ZNF469: variants seen among roughly 807,000 people sequenced by gnomAD.
The protein encoded by ZNF469 is zinc finger protein 469.
In ZNF469, 1 loss-of-function variant was observed where a neutral mutation model predicts 1.0. That is an observed-to-expected ratio of 1.00 (90% CI 0.35 to 4.73). The LOEUF (loss-of-function observed/expected upper bound fraction) is 4.73, where lower values mean the gene tolerates loss of function less well. ZNF469 is among the 30% of genes most tolerant of loss of function. The probability of loss-of-function intolerance (pLI) is 0.16; values close to 1 mark genes in which losing one functional copy is unlikely to be tolerated. For missense variants in ZNF469, 6,100 were observed against 5,356.3 expected, an observed-to-expected ratio of 1.14 and a Z score of -4.33; for synonymous variants, 2,703 against 2,363.4, an observed-to-expected ratio of 1.14 and a Z score of -4.17.
the ZNF469 span, among the ~76,000 whole-genome samples, chr16:88,249,638 G>A: frequency 6.6e-5 from 10 of 151,630 alleles, no homozygotes; most frequent in African/African-American, 1.2e-4. Flanking sequence ...GGATTTCACC[G>A]TGTTAGCCAG....
chr16:88,173,701 G>C, the ZNF469 span, among the ~76,000 whole-genome samples: 1 of 152,170 alleles, frequency 6.6e-6, no homozygotes, highest in African/African-American at 2.4e-5. Context: ...AAAGAATGAG[G>C]GTTGGGGGAA....
the ZNF469 span, among the ~76,000 whole-genome samples, chr16:88,270,657 A>G: frequency 6.6e-6 from 1 of 152,220 alleles, no homozygotes; most frequent in East Asian, 1.9e-4. Context: ...ATCCAAAGCA[A>G]TCATGCTCAC....
At chr16:88,177,371 C>T in the ZNF469 span, 1 of 152,222 alleles carries the variant, frequency 6.6e-6, no homozygotes, top group Non-Finnish European at 1.5e-5. The surrounding 1 kb of genome is among the most constrained non-coding windows in gnomAD (Gnocchi z 4.8). Context: ...TCCCCTCTTC[C>T]CCACCCTGCT....
chr16:88,184,770 C>T, the ZNF469 span, among the ~76,000 whole-genome samples: 11 of 152,204 alleles, frequency 7.2e-5, no homozygotes, highest in Non-Finnish European at 1.3e-4. Flanking sequence ...ACGACCTCAG[C>T]GACACATTCC....
the ZNF469 span, among the ~76,000 whole-genome samples, chr16:88,319,048 G>A: frequency 1.7e-4 from 26 of 152,308 alleles, no homozygotes; most frequent in African/African-American, 6.3e-4. Context: ...GCCAGCTGGG[G>A]TCAAGAGGGC....
chr16:88,382,433 G>C (rs1237506309), upstream of ZNF469, among the ~76,000 whole-genome samples: 1 of 152,244 alleles, frequency 6.6e-6, no homozygotes, highest in African/African-American at 2.4e-5. Context: ...TCCCAGGGCT[G>C]GACAAGGGAC....
Position 88,434,407 on chromosome 16 carries a change from G to T in ZNF469, c.6937G>T (p.Ala2313Ser). 1.3e-6 allele frequency: 2 copies of T among 1,549,700 alleles called. No individual in the cohort carries two copies. The highest frequency in any genetic ancestry group is 1.7e-6 in the Non-Finnish European group (2 of 1,146,942). ...LPGPDPQSRG[A>S]PPHTNPDRMP... Reference sequence around the variant, plus strand: ...AGGGCCAGACCCCCAGAGCAGGGGAGCCCCGCCCCACACCAACCCTGACAG... The same window carrying T: ...AGGGCCAGACCCCCAGAGCAGGGGATCCCCGCCCCACACCAACCCTGACAG... Residue 2313 changes from alanine to serine, a missense_variant, in exon 3 of 3, where the codon GCC becomes TCC. Transcript: ENST00000565624.
chr16:88,186,369 G>A, the ZNF469 span, among the ~76,000 whole-genome samples: 3 of 152,266 alleles, frequency 2.0e-5, no homozygotes, highest in Non-Finnish European at 2.9e-5. Flanking sequence ...CGTGGGCTTC[G>A]CCAGAAGCCT....
the ZNF469 span, among the ~76,000 whole-genome samples, chr16:88,358,624 C>T: frequency 2.6e-4 from 40 of 152,170 alleles, no homozygotes; most frequent in African/African-American, 4.8e-5. Flanking sequence ...TTGCAGAGAA[C>T]GCCAGGTCTC....
At chr16:88,412,089 C>T (rs891203960) in intron 1 of ZNF469, among the ~76,000 whole-genome samples, 3 of 27,010 alleles carry the variant, frequency 1.1e-4, no homozygotes, top group Non-Finnish European at 2.3e-4. Context: ...GCGGGGGGTC[C>T]GGAGAGGCAG....
Position 88,430,198 on chromosome 16 carries a change from A to AC in ZNF469, c.2734dup (p.Arg912ProfsTer87). 1 of 1,543,880 alleles carries AC rather than the reference A, an allele frequency of 6.5e-7. No individual in the cohort carries two copies. Reference sequence around the variant, plus strand: ...CCCAGCAGCCACGCCGGACCCCCAAACCCCCCGCCCTGGGGACAGGGGCTG... The same window carrying AC: ...CCCAGCAGCCACGCCGGACCCCCAAACCCCCCCGCCCTGGGGACAGGGGCTG... On this transcript the variant is annotated frameshift_variant, in exon 3 of 3. Transcript: ENST00000565624. LOFTEE classifies it low-confidence loss of function (END_TRUNC).
the ZNF469 span, among the ~76,000 whole-genome samples, chr16:88,169,393 C>A: frequency 9.3e-4 from 141 of 152,270 alleles, no homozygotes; most frequent in Non-Finnish European, 1.7e-3. This position sits in a 1 kb window ranked among gnomAD's most constrained non-coding sequence, Gnocchi z 6.1. Context: ...GTCAGCCCTT[C>A]CCCTGCGCCA....
At chr16:88,405,536 C>G (rs1905004318) in intron 1 of ZNF469, among the ~76,000 whole-genome samples, 2 of 152,178 alleles carry the variant, frequency 1.3e-5, no homozygotes, top group Admixed American at 1.3e-4. Flanking sequence ...TGCATCAGGG[C>G]CTTGGGGGCT....
chr16:88,308,653 C>T, the ZNF469 span, among the ~76,000 whole-genome samples: 1 of 152,286 alleles, frequency 6.6e-6, no homozygotes, highest in Non-Finnish European at 1.5e-5. Flanking sequence ...GAAGGACACC[C>T]ACAGACTGGG....
the ZNF469 span, among the ~76,000 whole-genome samples, chr16:88,345,761 G>A: frequency 6.8e-4 from 103 of 152,206 alleles, no homozygotes; most frequent in East Asian, 0.015. Context: ...GAACTCCCCC[G>A]GACTGGAAGA....
the ZNF469 span, among the ~76,000 whole-genome samples, chr16:88,317,909 CA>C: frequency 6.6e-6 from 1 of 152,262 alleles, no homozygotes; most frequent in Non-Finnish European, 1.5e-5. Context: ...CTCCCTGGGA[CA>C]GGGGTGAACC....
At chr16:88,386,006 G>A (rs1317545174) in intron 1 of ZNF469, among the ~76,000 whole-genome samples, 1 of 152,204 alleles carries the variant, frequency 6.6e-6, no homozygotes, top group Non-Finnish European at 1.5e-5. Flanking sequence ...GGTGCAAGGT[G>A]CCAGCTAAAA....
chr16:88,105,484 T>C, the ZNF469 span, among the ~76,000 whole-genome samples: 1 of 152,060 alleles, frequency 6.6e-6, no homozygotes, highest in South Asian at 2.1e-4. Context: ...TTCGTATTTT[T>C]AGTAGAGATG....
At chr16:88,341,859 T>C in the ZNF469 span, among the ~76,000 whole-genome samples, 10 of 151,956 alleles carry the variant, frequency 6.6e-5, no homozygotes, top group African/African-American at 2.2e-4. Context: ...AAGGTCATGA[T>C]GGGTCCAGGG....
Sources: allele counts gnomAD v4.1 joint callset (sites outside exome capture counted in the v4.1 genomes callset), GRCh38; gene constraint gnomAD v4.1.1; non-coding constraint Gnocchi (gnomAD v3.1); transcripts MANE v1.5; gene names NCBI Gene and HGNC (gene_info 2026-07-23, HGNC 2026-07-21).